The following CCNH variants were observed in gnomAD, a reference collection of about 807,000 sequenced individuals.
CCNH encodes cyclin H.
A neutral mutation model predicts 41.9 loss-of-function variants in CCNH; 31 were observed. That is an observed-to-expected ratio of 0.74 (90% CI 0.56 to 1.00). CCNH has a LOEUF of 1.00. CCNH is among the 50% of genes least tolerant of loss of function. The pLI, the probability that CCNH is intolerant of heterozygous loss-of-function variation, is 0.00. For missense variants in CCNH, 362 were observed against 388.4 expected, an observed-to-expected ratio of 0.93 and a Z score of 0.57; for synonymous variants, 138 against 136.1, an observed-to-expected ratio of 1.01 and a Z score of -0.10.
chr5:87,349,420 G>A, intron 9 of CCNH: 1 of 1,572,876 alleles, frequency 6.4e-7, no homozygotes, highest in Non-Finnish European at 8.7e-7. Context: ...TTGAAATCTT[G>A]ATAATACAGT....
chr5:87,401,730 G>C lies in CCNH; in HGVS notation c.732C>G (p.Cys244Trp), dbSNP rs750525738. 106 of 1,589,752 alleles carry C rather than the reference G, an allele frequency of 6.7e-5. 2 individuals are homozygous for C. In the South Asian group the frequency reaches 8.9e-4, roughly 13 times the overall value. ...TCATTATATCTAGTAACTGTGACAG[G>C]CAAGTTCTGTTCTCTTTCAGCATCA... Reference protein sequence around the residue: ...ESLMLKENRTCLSQLLDIMKS... With the variant: ...ESLMLKENRTWLSQLLDIMKS... Residue 244 changes from cysteine to tryptophan, a missense_variant, in exon 6 of 9, where the codon TGC becomes TGG. Transcript: ENST00000256897.
At chr5:87,369,529 C>G (rs1433929415) in intron 9 of CCNH, among the ~76,000 whole-genome samples, 5 of 152,104 alleles carry the variant, frequency 3.3e-5, no homozygotes, top group African/African-American at 1.2e-4. Flanking sequence ...AGCAGTTCAG[C>G]TTCAATCTGT....
At chr5:87,394,549 C>G in intron 8 of CCNH, 65 bp from the exon 9 acceptor site, 1 of 1,596,180 alleles carries the variant, frequency 6.3e-7, no homozygotes, top group Non-Finnish European at 8.5e-7. Context: ...TTACCTCTTA[C>G]CTCCCTTTAA....
At position 87,325,792 on chromosome 5, in the gene CCNH, AAGTT is replaced by A. The variant is rs559198602; in HGVS notation, c.*91-6899_*91-6896del. On this transcript the variant is annotated intron_variant and NMD_transcript_variant, in intron 9 of 9. Transcript: ENST00000645953. ...TAGACAGTTTTCATTTGGGATTGTC[AAGTT>A]AGTTGTAAATAATTGTATAGTTTCA... Among the ~76,000 whole-genome samples, 257 of 152,336 alleles carry A rather than the reference AAGTT, an allele frequency of 1.7e-3. 1 individual carries two copies. The highest frequency in any genetic ancestry group is 3.4e-3 in the Middle Eastern group (1 of 294).
intron 5 of CCNH, 57 bp downstream of exon 5, chr5:87,404,787 T>C: frequency 7.6e-7 from 1 of 1,309,880 alleles, no homozygotes; most frequent in Non-Finnish European, 1.1e-6. Context: ...GAAATGATTC[T>C]ATGAATAAAT....
intron 6 of CCNH, among the ~76,000 whole-genome samples, chr5:87,400,552 T>A (rs1364631339): frequency 2.0e-5 from 3 of 152,186 alleles, no homozygotes; most frequent in African/African-American, 7.2e-5. Flanking sequence ...CTACAGTTTA[T>A]AATTCATAAA....
intron 9 of CCNH, among the ~76,000 whole-genome samples, chr5:87,330,276 A>C (rs1191710002): frequency 6.6e-6 from 1 of 152,146 alleles, no homozygotes; most frequent in Non-Finnish European, 1.5e-5. Context: ...AGCTTACAAA[A>C]ATAGTCATAG....
chr5:87,339,099 A>C (rs1446800564), intron 9 of CCNH, among the ~76,000 whole-genome samples: 1 of 152,154 alleles, frequency 6.6e-6, no homozygotes, highest in East Asian at 1.9e-4. Context: ...CTTCAAAGCT[A>C]CTGTTTTTAA....
At chr5:87,351,434 A>G (rs939263918) in intron 9 of CCNH, among the ~76,000 whole-genome samples, 27 of 151,730 alleles carry the variant, frequency 1.8e-4, no homozygotes, top group African/African-American at 4.3e-4. Context: ...AAGGAAGACA[A>G]TGGATTTTGG....
chr5:87,362,694 A>G, intron 9 of CCNH: 1 of 1,596,820 alleles, frequency 6.3e-7, no homozygotes, highest in Non-Finnish European at 8.6e-7. Context: ...TTTTATCATT[A>G]ACCCATTTGA....
chr5:87,392,239 A>G (rs139502450), downstream of CCNH: 492 of 456,566 alleles, frequency 1.1e-3, 1 homozygote, highest in African/African-American at 9.1e-3. Context: ...GCAACACTTT[A>G]TGCTATTCCT....
At chr5:87,332,669 C>T in intron 9 of CCNH, 1 of 1,587,798 alleles carries the variant, frequency 6.3e-7, no homozygotes, top group Non-Finnish European at 8.6e-7. Context: ...AAATATCTTT[C>T]AAAACTTTAT....
chr5:87,366,107 G>T (rs928953008), intron 9 of CCNH, among the ~76,000 whole-genome samples: 2 of 152,086 alleles, frequency 1.3e-5, no homozygotes, highest in African/African-American at 2.4e-5. Flanking sequence ...TCATTTTGCA[G>T]ATTTACTGAA....
downstream of CCNH, among the ~76,000 whole-genome samples, chr5:87,373,934 A>G (rs1310080250): frequency 6.6e-6 from 1 of 151,948 alleles, no homozygotes; most frequent in Non-Finnish European, 1.5e-5. Context: ...ATAACTTGTA[A>G]AATAAAATTG....
At chr5:87,325,967 C>G (rs192053337) in intron 9 of CCNH, among the ~76,000 whole-genome samples, 1 of 152,192 alleles carries the variant, frequency 6.6e-6, no homozygotes, top group Admixed American at 6.5e-5. Flanking sequence ...CAGCAGCCCC[C>G]CACCCCCTTT....
downstream of CCNH, among the ~76,000 whole-genome samples, chr5:87,375,804 A>G (rs73156400): frequency 1.7e-3 from 259 of 152,294 alleles, 1 homozygote; most frequent in Middle Eastern, 0.017. Flanking sequence ...GATATGTATT[A>G]ACAGATCAAA....
intron 9 of CCNH, chr5:87,349,065 T>C: frequency 1.0e-6 from 1 of 981,130 alleles, no homozygotes; most frequent in East Asian, 2.7e-5. Flanking sequence ...ACCAGAAAAT[T>C]TGAAAGAAAT....
In CCNH at chr5:87,338,498, ATT is replaced by A. The variant is rs1417227027; in HGVS notation, c.*91-19603_*91-19602del. On this transcript the variant is annotated intron_variant and NMD_transcript_variant, in intron 9 of 9. Coordinates refer to the CCNH transcript ENST00000645953. The stretch of plus-strand genomic sequence containing the variant: ...AGACATGTGCCACCATGCCCAGCTA[ATT>A]TTATATATATATATATATATATATA... Among the ~76,000 whole-genome samples the A allele has an allele frequency of 3.0e-4, 15 of 50,156 alleles. No individual in the cohort carries two copies. The East Asian group carries it at 3.5e-3, about 12-fold the overall frequency. The allele number at this position is 50,156 out of a possible 152,430, so 32.9% of individuals were successfully genotyped here.
intron 9 of CCNH, among the ~76,000 whole-genome samples, chr5:87,358,386 A>G (rs1417767670): frequency 6.6e-6 from 1 of 152,234 alleles, no homozygotes; most frequent in Non-Finnish European, 1.5e-5. Flanking sequence ...AATGATGCCT[A>G]TTTCAAAGAT....
Sources: allele counts gnomAD v4.1 joint callset (sites outside exome capture counted in the v4.1 genomes callset), GRCh38; gene constraint gnomAD v4.1.1; transcripts MANE v1.5; gene names NCBI Gene and HGNC (gene_info 2026-07-23, HGNC 2026-07-21).